Variants in TENM3 observed in about 807,000 individuals in gnomAD.
TENM3 encodes the protein teneurin transmembrane protein 3, also known as teneurin-3.
Under a neutral mutation model 255.1 loss-of-function variants are expected in TENM3, and 63 were observed. The ratio of observed to expected loss-of-function variants is 0.25; its 90% confidence interval spans 0.20 to 0.30. The LOEUF (loss-of-function observed/expected upper bound fraction) is 0.30. TENM3 is among the 10% of genes least tolerant of loss of function. The probability of loss-of-function intolerance (pLI) is 1.00; values close to 1 mark genes in which losing one functional copy is unlikely to be tolerated. For missense variants in TENM3, 2,929 were observed against 3,461.1 expected (o/e 0.85, Z 3.86); for synonymous variants, 1,306 against 1,322.3 (o/e 0.99, Z 0.27).
chr4:181,763,779 A>C, the TENM3 span, among the ~76,000 whole-genome samples: 18 of 152,236 alleles, frequency 1.2e-4, no homozygotes, highest in Admixed American at 2.6e-4. Flanking sequence ...TTAATTCTAA[A>C]ACAAAGTCAA....
chr4:181,531,998 T>C, the TENM3 span, among the ~76,000 whole-genome samples: 5 of 152,156 alleles, frequency 3.3e-5, no homozygotes, highest in Non-Finnish European at 5.9e-5. Flanking sequence ...GAGTGGGAGT[T>C]GGCTAGCTGA....
chr4:182,743,353 T>G lies in TENM3; in HGVS notation c.3563T>G (p.Val1188Gly). Reference protein sequence around the residue: ...LACGIDGSLYVGDFNYVRRIF... With the variant: ...LACGIDGSLYGGDFNYVRRIF... Reference sequence around the variant, plus strand: ...TGTGGGATCGATGGCAGTCTGTACGTAGGCGATTTCAACTATGTGCGGCGG... The same window carrying G: ...TGTGGGATCGATGGCAGTCTGTACGGAGGCGATTTCAACTATGTGCGGCGG... Residue 1188 changes from valine to glycine, a missense_variant, in exon 19 of 28, where the codon GTA (valine) becomes GGA (glycine). Transcript: ENST00000511685. The G allele has an allele frequency of 6.2e-7, 1 of 1,613,988 alleles. No individual in the cohort carries two copies.
chr4:181,478,354 T>A, the TENM3 span, among the ~76,000 whole-genome samples: 1 of 152,232 alleles, frequency 6.6e-6, no homozygotes, highest in African/African-American at 2.4e-5. Context: ...TTCATTAAAA[T>A]GGCATCTTTA....
At chr4:181,958,583 T>C in the TENM3 span, among the ~76,000 whole-genome samples, 1 of 152,178 alleles carries the variant, frequency 6.6e-6, no homozygotes, top group Non-Finnish European at 1.5e-5. Context: ...CTAATATTTA[T>C]GGGCTTTGGT....
At chr4:181,495,726 G>A in the TENM3 span, among the ~76,000 whole-genome samples, 88,931 of 151,564 alleles carry the variant, frequency 0.59, 26,309 homozygotes, top group South Asian at 0.68. Flanking sequence ...GAATCTGTTA[G>A]AGGGACTGAG....
At chr4:181,815,077 G>A in the TENM3 span, among the ~76,000 whole-genome samples, 7 of 152,118 alleles carry the variant, frequency 4.6e-5, no homozygotes, top group Non-Finnish European at 1.0e-4. Flanking sequence ...TAGGAATAAA[G>A]GAAGTGTAAC....
intron 13 of TENM3, among the ~76,000 whole-genome samples, chr4:182,718,984 C>T (rs73869818): frequency 0.01 from 1,527 of 152,180 alleles, 27 homozygotes; most frequent in African/African-American, 0.034. Flanking sequence ...CCCTGGCAGT[C>T]GTTACCAAGC....
At chr4:182,112,481 T>G in the TENM3 span, among the ~76,000 whole-genome samples, 1 of 152,190 alleles carries the variant, frequency 6.6e-6, no homozygotes, top group African/African-American at 2.4e-5. Context: ...TAACACTAGT[T>G]TATAAGATTT....
chr4:181,786,394 G>A, the TENM3 span, among the ~76,000 whole-genome samples: 13 of 152,194 alleles, frequency 8.5e-5, no homozygotes, highest in African/African-American at 3.1e-4. Context: ...TGAGCTCAGA[G>A]GGGGGCCAGA....
chr4:182,344,191 G>A (rs892647232), intron 2 of TENM3, among the ~76,000 whole-genome samples: 2 of 152,144 alleles, frequency 1.3e-5, no homozygotes, highest in African/African-American at 4.8e-5. Context: ...AGTGTAAAGT[G>A]ACTTAAACAG....
chr4:182,475,895 A>C (rs1733647823), intron 3 of TENM3, among the ~76,000 whole-genome samples: 1 of 152,234 alleles, frequency 6.6e-6, no homozygotes, highest in Non-Finnish European at 1.5e-5. Flanking sequence ...AGAGAATTCA[A>C]GGCTTCTAGG....
chr4:181,678,502 G>A, the TENM3 span, among the ~76,000 whole-genome samples: 4 of 152,072 alleles, frequency 2.6e-5, no homozygotes, highest in Admixed American at 1.3e-4. Flanking sequence ...TTGAGGATGA[G>A]GGAACATGTC....
At chr4:182,711,340 T>C (rs1484927420) in intron 12 of TENM3, among the ~76,000 whole-genome samples, 5 of 152,154 alleles carry the variant, frequency 3.3e-5, no homozygotes. Flanking sequence ...CTGTGAAAAG[T>C]AGTGTTAGTT....
At chr4:181,520,419 GTGTA>G in the TENM3 span, among the ~76,000 whole-genome samples, 1 of 152,128 alleles carries the variant, frequency 6.6e-6, no homozygotes, top group Non-Finnish European at 1.5e-5. Flanking sequence ...GCGTGTGTGT[GTGTA>G]TGTGTGTGTG....
chr4:181,741,406 T>C, the TENM3 span, among the ~76,000 whole-genome samples: 1 of 152,186 alleles, frequency 6.6e-6, no homozygotes, highest in African/African-American at 2.4e-5. Flanking sequence ...GTATATTTAA[T>C]AATCATGAAA....
chr4:181,949,286 A>G, the TENM3 span, among the ~76,000 whole-genome samples: 3 of 152,212 alleles, frequency 2.0e-5, no homozygotes. Flanking sequence ...TCTGTCCATC[A>G]TCTTCTTAAT....
chr4:181,896,196 T>C, the TENM3 span, among the ~76,000 whole-genome samples: 1 of 152,166 alleles, frequency 6.6e-6, no homozygotes, highest in African/African-American at 2.4e-5. Context: ...AGTGATTTGT[T>C]GGGAAGTGAA....
chr4:182,088,714 G>C, the TENM3 span, among the ~76,000 whole-genome samples: 1 of 151,872 alleles, frequency 6.6e-6, no homozygotes, highest in Non-Finnish European at 1.5e-5. Context: ...AGCGCCTGTA[G>C]TCCCAGCTAC....
the TENM3 span, among the ~76,000 whole-genome samples, chr4:181,640,334 A>T: frequency 2.0e-5 from 3 of 152,224 alleles, no homozygotes; most frequent in Admixed American, 1.3e-4. Context: ...TCCTAACAAA[A>T]GAAGCAACTG....
Sources: gnomAD v4.1 joint callset for allele counts (sites outside exome capture counted in the v4.1 genomes callset) on GRCh38, gnomAD v4.1.1 for gene constraint, MANE v1.5 for transcripts, NCBI Gene and HGNC (gene_info 2026-07-23, HGNC 2026-07-21) for gene names.